Variants in PRUNE2 observed in about 807,000 individuals in gnomAD.
PRUNE2 encodes the protein prune homolog 2 with BCH domain.
PRUNE2 carries 164 observed loss-of-function variants against 252.0 expected under a neutral mutation model. The ratio of observed to expected loss-of-function variants is 0.65; its 90% CI spans 0.57 to 0.74. The LOEUF is 0.74. Among genes scored for constraint, PRUNE2 ranks in the 30% least tolerant of loss-of-function variants. The probability of loss-of-function intolerance (pLI) is 0.00; values close to 1 mark genes in which losing one functional copy is unlikely to be tolerated. For missense variants in PRUNE2, 3,495 were observed against 3,711.0 expected, an observed-to-expected ratio of 0.94 and a Z score of 1.51; for synonymous variants, 1,292 against 1,350.2, an observed-to-expected ratio of 0.96 and a Z score of 0.94.
At chr9:76,844,818 C>A (rs2059582093) in intron 4 of PRUNE2, among the ~76,000 whole-genome samples, 1 of 152,028 alleles carries the variant, frequency 6.6e-6, no homozygotes, top group Non-Finnish European at 1.5e-5. Context: ...ATTCTGCCAG[C>A]TTCCCAATGC....
intron 10 of PRUNE2, among the ~76,000 whole-genome samples, chr9:76,653,084 G>A (rs1848024883): frequency 6.6e-6 from 1 of 152,064 alleles, no homozygotes; most frequent in African/African-American, 2.4e-5. Context: ...TCTGTAACTG[G>A]ATCCTCCCAA....
At chr9:76,841,534 C>T (rs916843176) in intron 4 of PRUNE2, among the ~76,000 whole-genome samples, 2 of 152,220 alleles carry the variant, frequency 1.3e-5, no homozygotes, top group Non-Finnish European at 2.9e-5. Flanking sequence ...GTGGATCCCA[C>T]CCCATGGAGC....
At chr9:76,735,130 T>C (rs1031608047) in intron 6 of PRUNE2, among the ~76,000 whole-genome samples, 84 of 152,302 alleles carry the variant, frequency 5.5e-4, no homozygotes, top group African/African-American at 1.9e-3. Context: ...GATGGCACAC[T>C]TGGAGTTTGA....
chr9:76,872,075 T>C (rs1414800768), intron 1 of PRUNE2, among the ~76,000 whole-genome samples: 2 of 152,008 alleles, frequency 1.3e-5, no homozygotes, highest in Non-Finnish European at 2.9e-5. Flanking sequence ...ACAGATACCA[T>C]GCCAAACCCA....
At chr9:76,689,808 G>A (rs535527526) in intron 9 of PRUNE2, among the ~76,000 whole-genome samples, 1 of 152,160 alleles carries the variant, frequency 6.6e-6, no homozygotes, top group South Asian at 2.1e-4. Context: ...GTAAACTCAA[G>A]AAGTGAATCC....
At chr9:76,856,014 A>G (rs2060231474) in intron 1 of PRUNE2, among the ~76,000 whole-genome samples, 1 of 152,246 alleles carries the variant, frequency 6.6e-6, no homozygotes, top group Non-Finnish European at 1.5e-5. Flanking sequence ...TACAACACAA[A>G]CAAACACATT....
At chr9:76,721,561 T>G (rs1289206905) in intron 6 of PRUNE2, among the ~76,000 whole-genome samples, 1 of 152,196 alleles carries the variant, frequency 6.6e-6, no homozygotes, top group African/African-American at 2.4e-5. Context: ...ATCAAGTGAG[T>G]ATATGTCACT....
intron 6 of PRUNE2, among the ~76,000 whole-genome samples, chr9:76,716,096 C>G (rs1162233991): frequency 6.6e-6 from 1 of 152,096 alleles, no homozygotes; most frequent in Admixed American, 6.5e-5. Flanking sequence ...GGCCGGGTCA[C>G]TGAAACAAGA....
Position 76,619,324 on chromosome 9 carries a change from G to A in PRUNE2, c.9236+16C>T. ...TACAAGTAACCACATAGCTGTTATT[G>A]ATGGTGAATTCTTACTCCTTCTCCA... On this transcript the variant is annotated intron_variant, in intron 18 of 18. Coordinates refer to ENST00000376718, the MANE Select transcript of PRUNE2 (RefSeq NM_015225.3). 1 of 1,558,326 alleles carries A rather than the reference G, an allele frequency of 6.4e-7. No individual in the cohort carries two copies. Among genetic ancestry groups the A allele is most frequent in the South Asian group, 1.1e-5 (1 of 87,960 alleles).
chr9:76,675,561 C>G (rs201319415), intron 9 of PRUNE2, among the ~76,000 whole-genome samples: 11,303 of 63,476 alleles, frequency 0.18, 1 homozygote, highest in East Asian at 0.32. Context: ...CATCCCATTA[C>G]TGGGTATATA....
intron 9 of PRUNE2, among the ~76,000 whole-genome samples, chr9:76,685,607 GGGAAGACC>G (rs1277818961): frequency 6.6e-6 from 1 of 152,180 alleles, no homozygotes; most frequent in Non-Finnish European, 1.5e-5. Flanking sequence ...CACACACAGA[GGGAAGACC>G]GGAAGACCAG....
chr9:76,830,716 C>T (rs2058622669), intron 4 of PRUNE2, among the ~76,000 whole-genome samples: 1 of 149,026 alleles, frequency 6.7e-6, no homozygotes, highest in Non-Finnish European at 1.5e-5. Flanking sequence ...AGGATAAAGA[C>T]AAAGACAAAC....
chr9:76,653,179 C>A (rs1470249714), intron 10 of PRUNE2, among the ~76,000 whole-genome samples: 1 of 152,082 alleles, frequency 6.6e-6, no homozygotes, highest in Admixed American at 6.6e-5. Flanking sequence ...TTTCCCTGTT[C>A]AAGTTTGAAA....
intron 6 of PRUNE2, among the ~76,000 whole-genome samples, chr9:76,807,051 T>TGCGCGCGCGC (rs139801181): frequency 1.0e-4 from 14 of 139,338 alleles, no homozygotes; most frequent in South Asian, 2.3e-4. Flanking sequence ...TGTGTGTGTG[T>TGCGCGCGCGC]GCGCGCGCGC....
In PRUNE2 at chr9:76,706,579, T is replaced by A. The variant is rs1222432858; in HGVS notation, c.5695A>T (p.Asn1899Tyr). Residue 1899 changes from asparagine to tyrosine, a missense_variant, in exon 8 of 19, where the codon AAT becomes TAT. Physicochemically the swap from Asn to Tyr is moderately radical, Grantham distance 143. Transcript: ENST00000376718. ...DNHQSPFLEG[N>Y]GKNSHEQLWN... ...AGTTGCTCATGGGAGTTCTTCCCAT[T>A]ACCTTCCAGAAAGGGTGACTGATGG... 1 of 1,613,958 alleles carries A rather than the reference T, an allele frequency of 6.2e-7. No homozygotes were observed. The highest frequency in any genetic ancestry group is 1.3e-5 in the African/African-American group (1 of 75,060).
chr9:76,624,416 C>T, intron 17 of PRUNE2, 36 bp downstream of exon 17: 1 of 1,371,832 alleles, frequency 7.3e-7, no homozygotes. Context: ...TGCAAGCCAA[C>T]ATCATGCCAG....
intron 6 of PRUNE2, among the ~76,000 whole-genome samples, chr9:76,725,308 T>G (rs2048016142): frequency 6.6e-6 from 1 of 152,232 alleles, no homozygotes; most frequent in African/African-American, 2.4e-5. Flanking sequence ...CTGTCTCTTT[T>G]GTTCCTCACG....
chr9:76,682,796 C>T (rs974596484), intron 9 of PRUNE2, among the ~76,000 whole-genome samples: 1 of 152,150 alleles, frequency 6.6e-6, no homozygotes, highest in African/African-American at 2.4e-5. Flanking sequence ...GGATGGCTAT[C>T]ACTTGAAATA....
chr9:76,637,678 A>G (rs1840758548), intron 13 of PRUNE2, 129 bp from the exon 14 acceptor site: 8 of 753,832 alleles, frequency 1.1e-5, no homozygotes, highest in Non-Finnish European at 1.7e-5. Flanking sequence ...TTACCTTGGG[A>G]AGAATACAAT....
Sources: gnomAD v4.1 joint callset for allele counts (sites outside exome capture counted in the v4.1 genomes callset) on GRCh38, gnomAD v4.1.1 for gene constraint, MANE v1.5 for transcripts, NCBI Gene and HGNC (gene_info 2026-07-23, HGNC 2026-07-21) for gene names.